BRPF3: variants seen among roughly 807,000 people sequenced by gnomAD.
The protein encoded by BRPF3 is bromodomain and PHD finger containing 3, also known as bromodomain and PHD finger-containing protein 3.
BRPF3 carries 18 observed loss-of-function variants against 102.0 expected under a neutral mutation model. The ratio of observed to expected loss-of-function variants is 0.18; its 90% CI spans 0.12 to 0.26. BRPF3 has a LOEUF of 0.26. BRPF3 is among the 10% of genes least tolerant of loss of function. The pLI is 1.00. For missense variants in BRPF3, 1,147 were observed against 1,567.8 expected (o/e 0.73, Z 4.53); for synonymous variants, 570 against 614.2 (o/e 0.93, Z 1.06).
chr6:36,218,108 C>T lies in BRPF3; in HGVS notation c.3083+98C>T, dbSNP rs1417321251. On this transcript the variant is annotated intron_variant, in intron 9 of 12. Transcript: ENST00000357641. ...TGAACCTCTTCCTGCTTACCTTTTT[C>T]TCTCTTCCCCCACTCCTGCTATTTC... 2.9e-6 allele frequency: 3 copies of T among 1,028,614 alleles called. No individual in the cohort carries two copies. In the East Asian group the frequency reaches 7.7e-5, roughly 26 times the overall value. 63.7% of individuals were successfully genotyped at this position (1,028,614 alleles called of 1,614,324 possible). A position where few individuals can be genotyped will look rare whatever the true frequency, so the allele number is the denominator to read the frequency against.
rs1446605770 is a variant in BRPF3, at chr6:36,201,346, G to A, written c.1024G>A (p.Val342Met). 1 of 1,614,170 alleles carries A rather than the reference G, an allele frequency of 6.2e-7. No homozygotes were observed. The highest frequency in any genetic ancestry group is 2.2e-5 in the East Asian group (1 of 44,884). Reference sequence around the variant, plus strand: ...AGGTGCAGCCATCCAGTGCCATAAGGTGAACTGCTACACAGCATTCCATGT... The same window carrying A: ...AGGTGCAGCCATCCAGTGCCATAAGATGAACTGCTACACAGCATTCCATGT... ...GLGAAIQCHK[V>M]NCYTAFHVTC... Residue 342 changes from valine to methionine, a missense_variant, in exon 2 of 13, where the codon GTG becomes ATG. Physicochemically the swap from Val to Met is conservative, Grantham distance 21. Coordinates refer to ENST00000357641, the MANE Select transcript of BRPF3 (RefSeq NM_015695.3). This position sits in a 1 kb window ranked among gnomAD's most constrained non-coding sequence, Gnocchi z 5.1.
At position 36,229,061 on chromosome 6, in the gene BRPF3, G is replaced by GT. The variant is rs1265460810; in HGVS notation, c.3434+6dup. On this transcript the variant is annotated splice_donor_region_variant and intron_variant, in intron 12 of 12. Transcript: ENST00000357641. ...CTTTGACAACAAGCGCACCTGGTTA[G>GT]TGGGTGCTGCTGTGAGGGGGCTGAG... 6.2e-7 allele frequency: 1 copy of GT among 1,613,492 alleles called. No individual in the cohort carries two copies. The highest frequency in any genetic ancestry group is 8.5e-7 in the Non-Finnish European group (1 of 1,179,880).
rs776957384 is a variant in BRPF3, at chr6:36,210,397, G to A, written c.2048G>A (p.Arg683Gln). ...TTCCACCGAGCAGCTGTCCGCCTGC[G>A]GGACCTGGGAGGGGCCATCCTACGG... ...TIFHRAAVRL[R>Q]DLGGAILRHA... Residue 683 changes from arginine (R) to glutamine (Q), a missense_variant, in exon 6 of 13, where the codon CGG (arginine) becomes CAG (glutamine). Transcript: ENST00000357641. This position sits in a 1 kb window ranked among gnomAD's most constrained non-coding sequence, Gnocchi z 4.7. The A allele has an allele frequency of 1.1e-5, 17 of 1,614,012 alleles. No individual in the cohort carries two copies. The highest frequency in any genetic ancestry group is 2.7e-5 in the African/African-American group (2 of 74,930).
intron 4 of BRPF3, among the ~76,000 whole-genome samples, chr6:36,207,666 G>A (rs1767953492): frequency 6.6e-6 from 1 of 152,178 alleles, no homozygotes; most frequent in South Asian, 2.1e-4. Flanking sequence ...TCAAGCATAA[G>A]CTTAATATCA....
At chr6:36,202,799 A>G (rs1251155613) in intron 2 of BRPF3, among the ~76,000 whole-genome samples, 1 of 152,160 alleles carries the variant, frequency 6.6e-6, no homozygotes. Flanking sequence ...CCTATACCAC[A>G]AGAGCTGGGG....
At position 36,210,419 on chromosome 6, in the gene BRPF3, A is replaced by G. The variant is rs763567433; in HGVS notation, c.2070A>G (p.Leu690=). ...TGCGGGACCTGGGAGGGGCCATCCT[A>G]CGGCACGCCCGGCGGCAGGCAGAGA... ...VRLRDLGGAI[L]RHARRQAENI... Residue 690 remains leucine (L), a synonymous_variant, in exon 6 of 13, where the codon CTA becomes CTG. Transcript: ENST00000357641. This position sits in a 1 kb window ranked among gnomAD's most constrained non-coding sequence, Gnocchi z 4.7. 4 of 1,613,794 alleles carry G rather than the reference A, an allele frequency of 2.5e-6. No homozygotes were observed. The highest frequency in any genetic ancestry group is 2.5e-6 in the Non-Finnish European group (3 of 1,180,014).
chr6:36,220,667 C>A (rs1033929859), intron 9 of BRPF3, among the ~76,000 whole-genome samples: 4 of 152,146 alleles, frequency 2.6e-5, no homozygotes, highest in Admixed American at 1.3e-4. Flanking sequence ...TTGTACAAGG[C>A]CTCAATTTCT....
chr6:36,211,079 C>G, intron 6 of BRPF3, 179 bp from the exon 7 acceptor site: 1 of 673,506 alleles, frequency 1.5e-6, no homozygotes. Context: ...CTGACCTTGC[C>G]CCTGTGGCTG....
rs539709953 is a variant in BRPF3, at chr6:36,207,728, A to T, written c.1737+284A>T. ...CTGATTCAGGAAGTCTCTCAGAGGGAGCCTGGCCTTGAGGATTTTGAAAAG... is the reference window on the plus strand; with the variant it reads ...CTGATTCAGGAAGTCTCTCAGAGGGTGCCTGGCCTTGAGGATTTTGAAAAG... On this transcript the variant is annotated intron_variant, in intron 4 of 12. Coordinates refer to ENST00000357641, the MANE Select transcript of BRPF3 (RefSeq NM_015695.3). 6.6e-5 allele frequency among the ~76,000 whole-genome samples: 10 copies of T among 152,212 alleles called. No homozygotes were observed. The South Asian group carries it at 1.5e-3, about 22-fold the overall frequency.
chr6:36,232,441 CT>C lies in BRPF3; in HGVS notation c.*1835del, dbSNP rs1768966393. 1 of 152,620 alleles carries C rather than the reference CT, an allele frequency of 6.6e-6. No individual in the cohort carries two copies. The highest frequency in any genetic ancestry group is 1.5e-5 in the Non-Finnish European group (1 of 68,046). 9.5% of individuals were successfully genotyped at this position (152,620 alleles called of 1,614,324 possible). A position where few individuals can be genotyped will look rare whatever the true frequency, so the allele number is the denominator to read the frequency against. On this transcript the variant is annotated 3_prime_UTR_variant, in exon 13 of 13. Transcript: ENST00000357641. Reference sequence around the variant, plus strand: ...CTATGTCTATCTCTTCCCCCCAACACTTTCTCTTCTTAGTCTCTCTCTTTAT... The same window carrying C: ...CTATGTCTATCTCTTCCCCCCAACACTTCTCTTCTTAGTCTCTCTCTTTAT...
At chr6:36,205,830 T>A (rs999664915) in intron 3 of BRPF3, among the ~76,000 whole-genome samples, 1 of 152,252 alleles carries the variant, frequency 6.6e-6, no homozygotes, top group African/African-American at 2.4e-5. Flanking sequence ...TTTTGTCTTG[T>A]CCTCATCCCT....
intron 10 of BRPF3, among the ~76,000 whole-genome samples, chr6:36,223,075 GCC>G (rs1408014974): frequency 6.6e-6 from 1 of 152,276 alleles, no homozygotes; most frequent in South Asian, 2.1e-4. Flanking sequence ...TGGGGGAGAG[GCC>G]TGGGGTGGTG....
chr6:36,230,226 C>T lies in BRPF3; in HGVS notation c.3435-200C>T, dbSNP rs375055781. On this transcript the variant is annotated intron_variant, in intron 12 of 12. Coordinates refer to ENST00000357641, the MANE Select transcript of BRPF3 (RefSeq NM_015695.3). The surrounding 1 kb of genome is among the most constrained non-coding windows in gnomAD (Gnocchi z 5.4). ...CAAAATTGATTCCATGCCATTCCCC[C>T]ACCCGACTCCTGCATATCCTGCTTG... Among the ~76,000 whole-genome samples the T allele has an allele frequency of 3.0e-4, 45 of 152,140 alleles. No homozygotes were observed. Among genetic ancestry groups the T allele is most frequent in the African/African-American group, 1.1e-3 (44 of 41,490 alleles).
Position 36,210,148 on chromosome 6 carries a change from A to G in BRPF3, c.1867-68A>G. The G allele has an allele frequency of 6.4e-7, 1 of 1,568,758 alleles. No individual in the cohort carries two copies. The highest frequency in any genetic ancestry group is 8.8e-7 in the Non-Finnish European group (1 of 1,140,448). ...ATCAGAAATTGAGGAGGCCAAGAGT[A>G]TTGGTGAAGGGTGTGTCTGTTTGGC... On this transcript the variant is annotated intron_variant, in intron 5 of 12. Transcript: ENST00000357641. The surrounding 1 kb of genome is among the most constrained non-coding windows in gnomAD (Gnocchi z 4.7).
rs1768064744 is a variant in BRPF3 at position 36,210,497 on chromosome 6, G to A, written c.2148G>A (p.Leu716=). ...RGTHLPESPK[L]EDFYRFSWED... is the part of the protein sequence containing the mutation. ...CTCACCTGCCCGAGTCACCCAAATTGGAAGACTTTTACCGCTTCTCCTGGG... is the reference window on the plus strand; with the variant it reads ...CTCACCTGCCCGAGTCACCCAAATTAGAAGACTTTTACCGCTTCTCCTGGG... Residue 716 remains leucine, a synonymous_variant, in exon 6 of 13, where the codon TTG becomes TTA. Transcript: ENST00000357641. This position sits in a 1 kb window ranked among gnomAD's most constrained non-coding sequence, Gnocchi z 4.7. 2.5e-6 allele frequency: 4 copies of A among 1,600,540 alleles called. No individual in the cohort carries two copies. In the East Asian group the frequency reaches 6.7e-5, roughly 27 times the overall value.
Position 36,210,652 on chromosome 6 carries a change from T to A in BRPF3, c.2179+124T>A. The A allele has an allele frequency of 1.2e-6, 1 of 853,638 alleles. No individual in the cohort carries two copies. The highest frequency in any genetic ancestry group is 1.7e-5 in the South Asian group (1 of 57,364). The allele number at this position is 853,638 out of a possible 1,614,324, so 52.9% of individuals were successfully genotyped here. On this transcript the variant is annotated intron_variant, in intron 6 of 12. Transcript: ENST00000357641. This position sits in a 1 kb window ranked among gnomAD's most constrained non-coding sequence, Gnocchi z 4.7. ...TAGACTCCAGGAGCAAAGCTGAGGG[T>A]GAGCACAGACTGAGGTATACCTTTG...
chr6:36,211,132 G>T lies in BRPF3; in HGVS notation c.2180-126G>T, dbSNP rs191164485. 3,353 of 1,096,172 alleles carry T rather than the reference G, an allele frequency of 3.1e-3. 32 individuals are homozygous for T. Among genetic ancestry groups the T allele is most frequent in the Middle Eastern group, 6.6e-3 (21 of 3,184 alleles). The allele number at this position is 1,096,172 out of a possible 1,614,324, so 67.9% of individuals were successfully genotyped here. On this transcript the variant is annotated intron_variant, in intron 6 of 12. Coordinates refer to ENST00000357641, the MANE Select transcript of BRPF3 (RefSeq NM_015695.3). ...TTGCAGGGCCAAGGCCCACAGTGAC[G>T]CTGCTGGAAGCTGCTGGCCCAGGCA... is the stretch of plus-strand genomic sequence containing the variant.
intron 9 of BRPF3, among the ~76,000 whole-genome samples, chr6:36,219,946 C>G (rs1454899043): frequency 1.3e-5 from 2 of 152,214 alleles, no homozygotes; most frequent in African/African-American, 4.8e-5. Context: ...TTCTATAGAT[C>G]ACTCATTCAA....
intron 7 of BRPF3, among the ~76,000 whole-genome samples, 165 bp downstream of exon 7, chr6:36,211,725 TTC>T (rs1158404923): frequency 6.6e-6 from 1 of 152,218 alleles, no homozygotes; most frequent in Non-Finnish European, 1.5e-5. Flanking sequence ...AGGGATGATG[TTC>T]AAAATATTTA....
Sources: allele counts gnomAD v4.1 joint callset (sites outside exome capture counted in the v4.1 genomes callset), GRCh38; gene constraint gnomAD v4.1.1; non-coding constraint Gnocchi (gnomAD v3.1); transcripts MANE v1.5; gene names NCBI Gene and HGNC (gene_info 2026-07-23, HGNC 2026-07-21).